The following SMAD2 variants were observed in gnomAD, a reference collection of about 807,000 sequenced individuals.
The protein encoded by SMAD2 is MAD homolog 2.
In SMAD2, 8 loss-of-function variants were observed where a neutral mutation model predicts 64.4. That is an observed-to-expected ratio of 0.12 (90% confidence interval 0.07 to 0.22). The LOEUF is 0.22. Ranked by LOEUF, SMAD2 falls within the 10% of genes least tolerant of loss-of-function variation. The pLI, the probability that SMAD2 is intolerant of heterozygous loss-of-function variation, is 1.00. For missense variants in SMAD2, 289 were observed against 561.2 expected (o/e 0.51, Z 4.90); for synonymous variants, 203 against 195.8 (o/e 1.04, Z -0.31).
At chr18:47,883,901 C>A (rs79299761) in intron 2 of SMAD2, among the ~76,000 whole-genome samples, 2,313 of 152,304 alleles carry the variant, frequency 0.015, 60 homozygotes, top group African/African-American at 0.053. Context: ...TCAAGCCCCA[C>A]CATTTCCTCT....
intron 2 of SMAD2, among the ~76,000 whole-genome samples, chr18:47,881,277 T>C (rs1454238356): frequency 6.6e-6 from 1 of 152,208 alleles, no homozygotes; most frequent in African/African-American, 2.4e-5. Flanking sequence ...GTTTAACTTC[T>C]CTCAGCAAGG....
intron 1 of SMAD2, among the ~76,000 whole-genome samples, chr18:47,917,040 A>G (rs2034365860): frequency 1.3e-5 from 2 of 152,170 alleles, no homozygotes; most frequent in East Asian, 3.9e-4. Context: ...GTCGTTGTTG[A>G]GACGGAGTCT....
rs898949772 is a variant in SMAD2 at position 47,817,800 on chromosome 18, T to C, written c.*24027A>G. The stretch of plus-strand genomic sequence containing the variant: ...TCTGAACATCTCCCAAGAGCAAAAA[T>C]AAACATTCTAAATTTTGGGCACAGG... On this transcript the variant is annotated 3_prime_UTR_variant, in exon 11 of 11. Transcript: ENST00000262160. 6.6e-6 allele frequency: 1 copy of C among 152,196 alleles called. No homozygotes were observed. The highest frequency in any genetic ancestry group is 2.4e-5 in the African/African-American group (1 of 41,448). 9.4% of individuals were successfully genotyped at this position (152,196 alleles called of 1,614,324 possible).
chr18:47,896,768 A>T lies in SMAD2; in HGVS notation c.-12T>A, dbSNP rs1259478939. 7 of 1,612,896 alleles carry T rather than the reference A, an allele frequency of 4.3e-6. No homozygotes were observed. The South Asian group carries it at 7.7e-5, about 18-fold the overall frequency. ...AAGATGGACGACATGTTCTTACCAAAGGCAGCAAGCCACGCTAGGAAAACA... is the reference window on the plus strand; with the variant it reads ...AAGATGGACGACATGTTCTTACCAATGGCAGCAAGCCACGCTAGGAAAACA... On this transcript the variant is annotated 5_prime_UTR_variant, in exon 2 of 11. Transcript: ENST00000262160.
rs949768962 is a variant in SMAD2, at chr18:47,810,905, G to A, written c.*30922C>T. On this transcript the variant is annotated 3_prime_UTR_variant, in exon 11 of 11. Coordinates refer to ENST00000262160, the MANE Select transcript of SMAD2 (RefSeq NM_005901.6). The stretch of plus-strand genomic sequence containing the variant: ...CCTTAGACTGTGGGATGCAAATCGT[G>A]GTTTTCTTATGCCAAAACAACTTCC... 1.3e-5 allele frequency: 2 copies of A among 152,214 alleles called. No homozygotes were observed. The highest frequency in any genetic ancestry group is 2.9e-5 in the Non-Finnish European group (2 of 68,056). 9.4% of individuals were successfully genotyped at this position (152,214 alleles called of 1,614,324 possible). A position where few individuals can be genotyped will look rare whatever the true frequency, so the allele number is the denominator to read the frequency against.
At chr18:47,885,178 C>T (rs1008792299) in intron 2 of SMAD2, among the ~76,000 whole-genome samples, 1 of 140,782 alleles carries the variant, frequency 7.1e-6, no homozygotes, top group African/African-American at 2.7e-5. Flanking sequence ...CACACACACA[C>T]ACACATATAC....
At chr18:47,915,896 T>C (rs1047340412) in intron 1 of SMAD2, among the ~76,000 whole-genome samples, 10 of 152,246 alleles carry the variant, frequency 6.6e-5, no homozygotes, top group African/African-American at 2.4e-4. Flanking sequence ...GATGGAATTA[T>C]ACCGTATGTA....
At chr18:47,879,495 C>CGTGTGTGTGGGT (rs2032461448) in intron 2 of SMAD2, among the ~76,000 whole-genome samples, 1 of 141,340 alleles carries the variant, frequency 7.1e-6, no homozygotes, top group Non-Finnish European at 1.5e-5. Context: ...ATGTATATGA[C>CGTGTGTGTGGGT]GTGTGTGTGT....
At chr18:47,920,535 C>T (rs1037203903) in intron 1 of SMAD2, among the ~76,000 whole-genome samples, 7 of 152,078 alleles carry the variant, frequency 4.6e-5, no homozygotes, top group Non-Finnish European at 1.0e-4. Context: ...GAAGGATAAA[C>T]GAAAAGCTAG....
At chr18:47,915,477 T>A (rs1262029054) in intron 1 of SMAD2, among the ~76,000 whole-genome samples, 2 of 152,158 alleles carry the variant, frequency 1.3e-5, no homozygotes, top group Non-Finnish European at 2.9e-5. Context: ...TTTTCCTCTC[T>A]CACAACCTGC....
chr18:47,921,350 A>G (rs528546146), intron 1 of SMAD2, among the ~76,000 whole-genome samples: 1 of 152,320 alleles, frequency 6.6e-6, no homozygotes, highest in South Asian at 2.1e-4. Context: ...ACACCACACA[A>G]AAACCTAGTA....
intron 2 of SMAD2, among the ~76,000 whole-genome samples, chr18:47,894,836 A>AC (rs1448283006): frequency 6.6e-6 from 1 of 152,194 alleles, no homozygotes; most frequent in East Asian, 1.9e-4. Flanking sequence ...ATAAATGGTT[A>AC]CCTAATTGAA....
intron 1 of SMAD2, chr18:47,919,992 T>A (rs2034499228): frequency 6.6e-6 from 1 of 152,212 alleles, no homozygotes; most frequent in Non-Finnish European, 1.5e-5. Context: ...TAAAAATTGG[T>A]GTGCTTTAGT....
At chr18:47,914,962 T>G (rs949392308) in intron 1 of SMAD2, among the ~76,000 whole-genome samples, 11 of 152,306 alleles carry the variant, frequency 7.2e-5, no homozygotes, top group Admixed American at 3.9e-4. Flanking sequence ...ATTTATTATC[T>G]ATTGATAAGT....
intron 2 of SMAD2, among the ~76,000 whole-genome samples, chr18:47,873,708 C>G (rs969902374): frequency 6.6e-6 from 1 of 152,068 alleles, no homozygotes. Context: ...AAATAGCAGA[C>G]ACAGATCAAA....
chr18:47,882,998 T>C (rs2032696671), intron 2 of SMAD2, among the ~76,000 whole-genome samples: 2 of 152,028 alleles, frequency 1.3e-5, no homozygotes, highest in African/African-American at 2.4e-5. Flanking sequence ...GTGGGCTCTC[T>C]GTCTTTTTCT....
Position 47,835,592 on chromosome 18 carries a change from A to G in SMAD2, c.*6235T>C, listed in dbSNP as rs1471304368. 1 of 194,748 alleles carries G rather than the reference A, an allele frequency of 5.1e-6. No homozygotes were observed. Among genetic ancestry groups the G allele is most frequent in the Non-Finnish European group, 1.1e-5 (1 of 93,502 alleles). The allele number at this position is 194,748 out of a possible 1,614,324, so 12.1% of individuals were successfully genotyped here. The stretch of plus-strand genomic sequence containing the variant: ...CAGACAAATGCTAAAAACCAGCTTT[A>G]TAATAACAGCATTATAAAGGATAGA... On this transcript the variant is annotated 3_prime_UTR_variant, in exon 11 of 11. Transcript: ENST00000262160.
rs2054553729 is a variant in SMAD2, at chr18:47,824,119, G to A, written c.*17708C>T. 4 of 152,100 alleles carry A rather than the reference G, an allele frequency of 2.6e-5. No homozygotes were observed. The highest frequency in any genetic ancestry group is 2.0e-4 in the Admixed American group (3 of 15,270). 9.4% of individuals were successfully genotyped at this position (152,100 alleles called of 1,614,324 possible). A position where few individuals can be genotyped will look rare whatever the true frequency, so the allele number is the denominator to read the frequency against. On this transcript the variant is annotated 3_prime_UTR_variant, in exon 11 of 11. Transcript: ENST00000262160. Reference sequence around the variant, plus strand: ...GGGAAAGGTCTATTCTGTCACCAAGGGACAATCAAAGCCTAACTACAAGAT... The same window carrying A: ...GGGAAAGGTCTATTCTGTCACCAAGAGACAATCAAAGCCTAACTACAAGAT...
At chr18:47,918,594 T>C (rs2034427882) in intron 1 of SMAD2, among the ~76,000 whole-genome samples, 1 of 152,032 alleles carries the variant, frequency 6.6e-6, no homozygotes, top group African/African-American at 2.4e-5. Flanking sequence ...ACCAGAAAAA[T>C]TCAGCTTCAG....
Sources: gnomAD v4.1 joint callset for allele counts (sites outside exome capture counted in the v4.1 genomes callset) on GRCh38, gnomAD v4.1.1 for gene constraint, MANE v1.5 for transcripts, NCBI Gene and HGNC (gene_info 2026-07-23, HGNC 2026-07-21) for gene names.